Variants in SH2D3C observed in about 807,000 individuals in gnomAD.
SH2D3C encodes SH2 domain containing 3C.
A neutral mutation model predicts 75.2 loss-of-function variants in SH2D3C; 25 were observed. The observed-to-expected ratio is 0.33, with a 90% CI of 0.24 to 0.46. The LOEUF (loss-of-function observed/expected upper bound fraction) is 0.46, where lower values mean the gene tolerates loss of function less well. Among genes scored for constraint, SH2D3C ranks in the 20% least tolerant of loss-of-function variants. SH2D3C has a pLI of 1.00. For missense variants in SH2D3C, 933 were observed against 1,165.3 expected (o/e 0.80, Z 2.90); for synonymous variants, 450 against 473.7 (o/e 0.95, Z 0.65).
rs753608826 is a variant in SH2D3C, at chr9:127,744,861, G to A, written c.1503C>T (p.Pro501=). 57 of 1,613,970 alleles carry A rather than the reference G, an allele frequency of 3.5e-5. No individual in the cohort carries two copies. The highest frequency in any genetic ancestry group is 2.5e-5 in the Non-Finnish European group (30 of 1,179,998). Residue 501 remains proline, a synonymous_variant, in exon 7 of 12, where the codon CCC becomes CCT. Transcript: ENST00000314830. ...CTGCCCACTCTCGGCTGCCACGCAC[G>A]GGAGGCTGGAGCTGGCAGTAGTGGC... ...DSGHYCQLQP[P]VRGSREWAAT...
intron 5 of SH2D3C, among the ~76,000 whole-genome samples, chr9:127,748,148 A>G (rs1002820368): frequency 6.6e-6 from 1 of 152,078 alleles, no homozygotes; most frequent in Non-Finnish European, 1.5e-5. Context: ...CTTTCCTCCA[A>G]CCTGGAGAAT....
In SH2D3C at chr9:127,757,153, G is replaced by C. The variant is rs140257157; in HGVS notation, c.555+4458C>G. ...AGATGGGGTTTCACCATGTTGGCCA[G>C]GCTGGTCTTGACCTCTTGACCTCAA... is the stretch of plus-strand genomic sequence containing the variant. On this transcript the variant is annotated intron_variant, in intron 3 of 11. Transcript: ENST00000314830. 2.5e-3 allele frequency among the ~76,000 whole-genome samples: 375 copies of C among 149,736 alleles called. 8 individuals carry two copies. In the East Asian group the frequency reaches 0.055, roughly 22 times the overall value.
chr9:127,751,637 G>A lies in SH2D3C; in HGVS notation c.556-337C>T, dbSNP rs1214450371. 6.6e-6 allele frequency among the ~76,000 whole-genome samples: 1 copy of A among 152,240 alleles called. No homozygotes were observed. The highest frequency in any genetic ancestry group is 1.5e-5 in the Non-Finnish European group (1 of 68,056). Reference sequence around the variant, plus strand: ...AGAGTGCGGTCAGCACCACAGCGCTGGACAGCGGCAAAGAGCCGGGTGGCT... The same window carrying A: ...AGAGTGCGGTCAGCACCACAGCGCTAGACAGCGGCAAAGAGCCGGGTGGCT... On this transcript the variant is annotated intron_variant, in intron 3 of 11. Transcript: ENST00000314830. The surrounding 1 kb of genome is among the most constrained non-coding windows in gnomAD (Gnocchi z 4.1).
intron 1 of SH2D3C, among the ~76,000 whole-genome samples, chr9:127,777,626 T>C (rs1829047517): frequency 6.6e-6 from 1 of 151,506 alleles, no homozygotes; most frequent in African/African-American, 2.4e-5. Flanking sequence ...GGGCAGGGGA[T>C]GGAGTGTGCG....
intron 9 of SH2D3C, among the ~76,000 whole-genome samples, chr9:127,740,594 G>A (rs1844825702): frequency 6.6e-6 from 1 of 152,216 alleles, no homozygotes; most frequent in South Asian, 2.1e-4. Flanking sequence ...ACTTGCCCAA[G>A]GTTATTCTGA....
At chr9:127,753,768 C>A (rs986237920) in intron 3 of SH2D3C, among the ~76,000 whole-genome samples, 4 of 152,230 alleles carry the variant, frequency 2.6e-5, no homozygotes, top group Non-Finnish European at 5.9e-5. Flanking sequence ...AGACCTCAGC[C>A]TTCTGGCGTC....
chr9:127,774,477 G>T lies in SH2D3C; in HGVS notation c.38-10C>A, dbSNP rs1564426846. 1 of 1,283,424 alleles carries T rather than the reference G, an allele frequency of 7.8e-7. No homozygotes were observed. Among genetic ancestry groups the T allele is most frequent in the East Asian group, 2.3e-5 (1 of 42,804 alleles). The allele number at this position is 1,283,424 out of a possible 1,614,324, so 79.5% of individuals were successfully genotyped here. On this transcript the variant is annotated splice_polypyrimidine_tract_variant and intron_variant, in intron 1 of 11. Coordinates refer to ENST00000314830, the MANE Select transcript of SH2D3C (RefSeq NM_170600.3). The surrounding 1 kb of genome is among the most constrained non-coding windows in gnomAD (Gnocchi z 4.3). The stretch of plus-strand genomic sequence containing the variant: ...TTGAACTTGAAGAACTCTAGCAGAG[G>T]GGAAGGGAAGGAAAAGAAGTTAATG...
intron 3 of SH2D3C, among the ~76,000 whole-genome samples, chr9:127,759,907 C>T (rs376011893): frequency 6.6e-6 from 1 of 150,964 alleles, no homozygotes; most frequent in South Asian, 2.1e-4. Context: ...GGTGTGAACC[C>T]GGGAGGCGGA....
At chr9:127,742,998 T>C (rs1362073534) in intron 7 of SH2D3C, 34 bp from the exon 8 acceptor site, 2 of 1,529,916 alleles carry the variant, frequency 1.3e-6, no homozygotes, top group Non-Finnish European at 1.8e-6. Flanking sequence ...ATTAATATCC[T>C]GTCAGGGCTG....
chr9:127,767,477 G>A (rs1845657346), intron 2 of SH2D3C: 1 of 203,170 alleles, frequency 4.9e-6, no homozygotes, highest in South Asian at 1.7e-4. Context: ...CCAGACATTG[G>A]GAGCCACTTC....
rs1844872868 is a variant in SH2D3C, at chr9:127,741,997, G to A, written c.1917-38C>T. 3.8e-6 allele frequency: 6 copies of A among 1,567,630 alleles called. No individual in the cohort carries two copies. The African/African-American group carries it at 5.4e-5, about 14-fold the overall frequency. ...CGGGGTCAGAGGCGGCGGGCTCGGG[G>A]ACAGGGGTGAGGGGTGCGGGCCTGG... On this transcript the variant is annotated intron_variant, in intron 8 of 11. Transcript: ENST00000314830.
At chr9:127,761,546 C>A in intron 3 of SH2D3C, 65 bp downstream of exon 3, 7 of 1,202,422 alleles carry the variant, frequency 5.8e-6, no homozygotes, top group Non-Finnish European at 8.6e-6. Flanking sequence ...CTCTGCCCAC[C>A]CGTAATGGAG....
At chr9:127,745,142 CA>C in intron 6 of SH2D3C, 43 bp from the exon 7 acceptor site, 1 of 1,444,894 alleles carries the variant, frequency 6.9e-7, no homozygotes, top group Non-Finnish European at 9.1e-7. Context: ...AGCAGCTCCC[CA>C]CCAAAGTGAG....
chr9:127,771,050 A>G, intron 2 of SH2D3C: 1 of 616,328 alleles, frequency 1.6e-6, no homozygotes, highest in Non-Finnish European at 2.7e-6. Context: ...AGTTACACCC[A>G]AAGAAAACTG....
intron 2 of SH2D3C, among the ~76,000 whole-genome samples, chr9:127,765,019 C>CT (rs956675983): frequency 1.7e-4 from 26 of 151,468 alleles, no homozygotes; most frequent in Admixed American, 3.3e-4. Context: ...CCCTTCAGTT[C>CT]TTTTTTTTTG....
intron 10 of SH2D3C, 47 bp downstream of exon 10, chr9:127,740,211 C>A: frequency 1.3e-6 from 2 of 1,528,216 alleles, no homozygotes; most frequent in Non-Finnish European, 1.8e-6. Flanking sequence ...TCTTTGCAAC[C>A]CCAGGGAGGG....
chr9:127,755,163 G>T (rs1486700061), intron 3 of SH2D3C: 3 of 1,217,102 alleles, frequency 2.5e-6, no homozygotes, highest in Non-Finnish European at 3.1e-6. Flanking sequence ...CGGTCATGGT[G>T]GGGCCAGGCT....
At chr9:127,767,772 C>T (rs1845662573) in intron 2 of SH2D3C, among the ~76,000 whole-genome samples, 3 of 152,220 alleles carry the variant, frequency 2.0e-5, no homozygotes, top group Admixed American at 2.0e-4. Context: ...CACAGTGACT[C>T]TATGAAGCAG....
chr9:127,739,870 T>C lies in SH2D3C; in HGVS notation c.2219A>G (p.Asn740Ser). ...GGGCAGCACATGAGGAAACGTGGTG[T>C]TGCTCAGCGGCGGGCCTTCTGCAAG... ...NEGKEGPPLS[N>S]TTFPHVLPLI... The change falls in exon 11 of 12, where the codon AAC (asparagine) becomes AGC (serine). Residue 740 changes from asparagine to serine, a missense_variant. Asn to Ser is a conservative substitution (Grantham distance 46, BLOSUM62 1). Transcript: ENST00000314830. This position sits in a 1 kb window ranked among gnomAD's most constrained non-coding sequence, Gnocchi z 4.3. 4 of 1,545,862 alleles carry C rather than the reference T, an allele frequency of 2.6e-6. No individual in the cohort carries two copies. Among genetic ancestry groups the C allele is most frequent in the Non-Finnish European group, 3.5e-6 (4 of 1,140,706 alleles).
Sources: allele counts gnomAD v4.1 joint callset (sites outside exome capture counted in the v4.1 genomes callset), GRCh38; gene constraint gnomAD v4.1.1; non-coding constraint Gnocchi (gnomAD v3.1); transcripts MANE v1.5; gene names NCBI Gene and HGNC (gene_info 2026-07-23, HGNC 2026-07-21).